The following SNTG1 variants were observed in gnomAD, a reference collection of about 807,000 sequenced individuals.
SNTG1 encodes syntrophin gamma 1, also known as gamma-1-syntrophin.
SNTG1 carries 39 observed loss-of-function variants against 74.7 expected under a neutral mutation model. That is an observed-to-expected ratio of 0.52 (90% CI 0.40 to 0.68). The LOEUF (loss-of-function observed/expected upper bound fraction) is 0.68, where lower values mean the gene tolerates loss of function less well. SNTG1 is among the 30% of genes least tolerant of loss of function. The probability of loss-of-function intolerance (pLI) is 0.00; values close to 1 mark genes in which losing one functional copy is unlikely to be tolerated. For synonymous variants in SNTG1, 254 were observed against 217.1 expected, an observed-to-expected ratio of 1.17 and a Z score of -1.49; for missense variants, 685 against 609.5, an observed-to-expected ratio of 1.12 and a Z score of -1.30.
At chr8:50,129,082 ATC>A (rs1307950826) in intron 1 of SNTG1, among the ~76,000 whole-genome samples, 29 of 152,276 alleles carry the variant, frequency 1.9e-4, no homozygotes, top group African/African-American at 7.0e-4. Context: ...AATTGCATAT[ATC>A]TTAACTGATA....
chr8:50,373,321 C>A (rs2092309943), intron 2 of SNTG1, among the ~76,000 whole-genome samples: 1 of 152,188 alleles, frequency 6.6e-6, no homozygotes, highest in Non-Finnish European at 1.5e-5. Context: ...GTTATGAGCT[C>A]AAATATGGTA....
At chr8:50,589,450 C>T (rs2094677224) in intron 12 of SNTG1, among the ~76,000 whole-genome samples, 1 of 151,172 alleles carries the variant, frequency 6.6e-6, no homozygotes, top group Non-Finnish European at 1.5e-5. Flanking sequence ...GGCTCAATCA[C>T]TACTTTCTAT....
chr8:50,242,068 T>TAC (rs1463535665), intron 2 of SNTG1, among the ~76,000 whole-genome samples: 3 of 151,800 alleles, frequency 2.0e-5, no homozygotes, highest in African/African-American at 7.3e-5. Flanking sequence ...GACACACAGA[T>TAC]ACACACACAC....
intron 2 of SNTG1, among the ~76,000 whole-genome samples, chr8:50,222,592 T>C (rs1268942457): frequency 6.6e-6 from 1 of 152,184 alleles, no homozygotes; most frequent in African/African-American, 2.4e-5. Context: ...ATACCTCCTT[T>C]TTCCTTAATT....
chr8:49,918,895 G>A (rs1053493285), intron 1 of SNTG1, among the ~76,000 whole-genome samples: 2 of 152,040 alleles, frequency 1.3e-5, no homozygotes, highest in African/African-American at 4.8e-5. Flanking sequence ...ATCCAAATAA[G>A]CAACTAAATA....
intron 2 of SNTG1, among the ~76,000 whole-genome samples, chr8:50,304,854 T>C (rs1394622932): frequency 6.6e-6 from 1 of 152,154 alleles, no homozygotes; most frequent in African/African-American, 2.4e-5. Flanking sequence ...AACCTTATTC[T>C]CTGTTAGATT....
intron 1 of SNTG1, among the ~76,000 whole-genome samples, chr8:50,095,523 A>C (rs1393165223): frequency 6.6e-6 from 1 of 152,180 alleles, no homozygotes; most frequent in Non-Finnish European, 1.5e-5. Context: ...TATATACAAT[A>C]GATTTTTATA....
At chr8:49,977,460 C>T (rs930623665) in intron 1 of SNTG1, among the ~76,000 whole-genome samples, 1 of 152,274 alleles carries the variant, frequency 6.6e-6, no homozygotes. Flanking sequence ...AAACCCAGCC[C>T]AGTGCTCTTA....
chr8:50,583,928 C>G (rs899584845), intron 12 of SNTG1, among the ~76,000 whole-genome samples: 1 of 151,990 alleles, frequency 6.6e-6, no homozygotes, highest in Non-Finnish European at 1.5e-5. Flanking sequence ...CCCGCTCCCT[C>G]CACCCCACGA....
chr8:49,945,930 T>C (rs530417138), intron 1 of SNTG1, among the ~76,000 whole-genome samples: 52 of 152,294 alleles, frequency 3.4e-4, no homozygotes, highest in Non-Finnish European at 1.0e-4. Context: ...AAGCAGGTCA[T>C]TATAAGCATC....
At chr8:50,443,097 C>G (rs911621048) in intron 5 of SNTG1, among the ~76,000 whole-genome samples, 1 of 152,190 alleles carries the variant, frequency 6.6e-6, no homozygotes, top group African/African-American at 2.4e-5. Flanking sequence ...ATTTCTGCAT[C>G]GTAGGATCCA....
chr8:50,675,075 T>G (rs2131364413), intron 15 of SNTG1, among the ~76,000 whole-genome samples: 1 of 152,206 alleles, frequency 6.6e-6, no homozygotes, highest in South Asian at 2.1e-4. Flanking sequence ...CATGAGTGTC[T>G]TACTTCCACT....
intron 10 of SNTG1, among the ~76,000 whole-genome samples, chr8:50,535,407 C>T (rs1190115294): frequency 3.9e-5 from 6 of 152,118 alleles, no homozygotes. Flanking sequence ...ACATCACATG[C>T]CGATCATCCA....
At chr8:50,457,699 C>G (rs550173458) in intron 8 of SNTG1, among the ~76,000 whole-genome samples, 1 of 152,188 alleles carries the variant, frequency 6.6e-6, no homozygotes, top group South Asian at 2.1e-4. Flanking sequence ...GGGCTGTAGC[C>G]AAAGCCGCCA....
chr8:50,559,288 C>T (rs1285854295), intron 12 of SNTG1, among the ~76,000 whole-genome samples: 4 of 151,888 alleles, frequency 2.6e-5, no homozygotes, highest in Non-Finnish European at 4.4e-5. Context: ...CAAAAATATC[C>T]AAAGGAAGCA....
intron 1 of SNTG1, among the ~76,000 whole-genome samples, chr8:49,926,817 G>A (rs1244771874): frequency 6.6e-6 from 1 of 152,070 alleles, no homozygotes; most frequent in Non-Finnish European, 1.5e-5. Context: ...TATGGAAAAG[G>A]AGAAAATACT....
intron 9 of SNTG1, among the ~76,000 whole-genome samples, chr8:50,517,616 CAAAAAA>C (rs1161724778): frequency 2.2e-3 from 138 of 62,350 alleles, no homozygotes; most frequent in South Asian, 2.9e-3. Flanking sequence ...AAATGGAAAG[CAAAAAA>C]AAAAAAAAAA....
At chr8:50,016,021 C>A (rs1816277674) in intron 1 of SNTG1, among the ~76,000 whole-genome samples, 1 of 152,076 alleles carries the variant, frequency 6.6e-6, no homozygotes, top group South Asian at 2.1e-4. Context: ...GCAGGCCTTG[C>A]AGTTTTCAGT....
intron 18 of SNTG1, among the ~76,000 whole-genome samples, chr8:50,782,907 G>A (rs1362218289): frequency 6.6e-6 from 1 of 152,106 alleles, no homozygotes; most frequent in Non-Finnish European, 1.5e-5. Flanking sequence ...CTGTTTGTTA[G>A]TTTTCCTTCT....
Sources: gnomAD v4.1 joint callset for allele counts (sites outside exome capture counted in the v4.1 genomes callset) on GRCh38, gnomAD v4.1.1 for gene constraint, MANE v1.5 for transcripts, NCBI Gene and HGNC (gene_info 2026-07-23, HGNC 2026-07-21) for gene names.